RORB: variants seen among roughly 807,000 people sequenced by gnomAD.
RORB encodes nuclear receptor ROR-beta.
A neutral mutation model predicts 59.1 loss-of-function variants in RORB; 6 were observed. The ratio of observed to expected loss-of-function variants is 0.10; its 90% CI spans 0.06 to 0.20. The LOEUF (loss-of-function observed/expected upper bound fraction) is 0.20, where lower values mean the gene tolerates loss of function less well. Among genes scored for constraint, RORB ranks in the 10% least tolerant of loss-of-function variants. RORB has a pLI of 1.00. For synonymous variants in RORB, 215 were observed against 204.5 expected (o/e 1.05, Z -0.44); for missense variants, 320 against 560.5 (o/e 0.57, Z 4.33).
chr9:74,563,248 C>T (rs986210891), intron 1 of RORB, among the ~76,000 whole-genome samples: 3 of 147,936 alleles, frequency 2.0e-5, no homozygotes, highest in African/African-American at 5.0e-5. Flanking sequence ...TGCAGTAGCA[C>T]AATCTCGGCT....
chr9:74,670,071 CT>C lies in RORB; in HGVS notation c.1112-1707del, dbSNP rs879518494. ...CTAAAATCAAGCTGTTCCTCTAGGC[CT>C]TTTTTTTTTTAAACCCTAGAAAGTT... is the stretch of plus-strand genomic sequence containing the variant. On this transcript the variant is annotated intron_variant, in intron 8 of 9. Coordinates refer to ENST00000376896, the MANE Select transcript of RORB (RefSeq NM_006914.4). Among the ~76,000 whole-genome samples the C allele has an allele frequency of 6.7e-3, 980 of 145,398 alleles. 7 individuals are homozygous for C. The highest frequency in any genetic ancestry group is 0.018 in the African/African-American group (739 of 40,044).
intron 1 of RORB, among the ~76,000 whole-genome samples, chr9:74,586,886 A>G (rs1481299831): frequency 1.3e-5 from 2 of 152,150 alleles, no homozygotes; most frequent in Non-Finnish European, 2.9e-5. Context: ...TCTCCTGTCC[A>G]TGTCAATGTA....
chr9:74,654,069 T>C (rs1471350892), intron 4 of RORB, among the ~76,000 whole-genome samples: 1 of 152,234 alleles, frequency 6.6e-6, no homozygotes, highest in Non-Finnish European at 1.5e-5. Flanking sequence ...CTTAACTGTG[T>C]GGATCAATAT....
intron 1 of RORB, among the ~76,000 whole-genome samples, chr9:74,503,146 A>G (rs1193275212): frequency 6.6e-6 from 1 of 152,082 alleles, no homozygotes; most frequent in Non-Finnish European, 1.5e-5. Flanking sequence ...AAGCTGACTA[A>G]TGAAATAAGT....
At chr9:74,514,814 A>T (rs1825985760) in intron 1 of RORB, among the ~76,000 whole-genome samples, 1 of 151,568 alleles carries the variant, frequency 6.6e-6, no homozygotes, top group Admixed American at 6.6e-5. Context: ...ACTAGAATGA[A>T]GCTATAGTAT....
chr9:74,630,395 T>C, intron 2 of RORB, 28 bp downstream of exon 2: 1 of 1,566,992 alleles, frequency 6.4e-7, no homozygotes, highest in Non-Finnish European at 8.7e-7. Context: ...AGCACGGTTC[T>C]GTATTTGCCT....
In RORB at chr9:74,688,451, T is replaced by G. The variant is rs1025459892; in HGVS notation, c.*2833T>G. ...TTCCTTCCCCATGAGGACTAACAAA[T>G]GTTCACAACAATCATGATCAAGTGT... On this transcript the variant is annotated 3_prime_UTR_variant, in exon 10 of 10. Transcript: ENST00000376896. 1 of 152,142 alleles carries G rather than the reference T, an allele frequency of 6.6e-6. No individual in the cohort carries two copies. The highest frequency in any genetic ancestry group is 1.5e-5 in the Non-Finnish European group (1 of 68,022). The allele number at this position is 152,142 out of a possible 1,614,324, so 9.4% of individuals were successfully genotyped here.
At chr9:74,578,480 A>G (rs1336626248) in intron 1 of RORB, among the ~76,000 whole-genome samples, 2 of 152,114 alleles carry the variant, frequency 1.3e-5, no homozygotes, top group African/African-American at 4.8e-5. Flanking sequence ...AAAAACACCA[A>G]TGACATGCAA....
At chr9:74,599,804 G>T (rs1397291544) in intron 1 of RORB, among the ~76,000 whole-genome samples, 1 of 152,084 alleles carries the variant, frequency 6.6e-6, no homozygotes, top group East Asian at 1.9e-4. Context: ...GCCTTCTTCT[G>T]GGGTGCTAAT....
chr9:74,504,838 G>C (rs1825848396), intron 1 of RORB, among the ~76,000 whole-genome samples: 1 of 151,922 alleles, frequency 6.6e-6, no homozygotes, highest in Non-Finnish European at 1.5e-5. Flanking sequence ...TTATAGTAAA[G>C]CTTTTTTCAA....
rs1292445367 is a variant in RORB, at chr9:74,689,714, G to A, written c.*4096G>A. ...TCAGAGCAGTCAAGCTAAACTGTTT[G>A]TAGAAAACCATGAAGATCAACTCAT... On this transcript the variant is annotated 3_prime_UTR_variant, in exon 10 of 10. Coordinates refer to ENST00000376896, the MANE Select transcript of RORB (RefSeq NM_006914.4). The A allele has an allele frequency of 1.3e-5, 2 of 152,208 alleles. No homozygotes were observed. Among genetic ancestry groups the A allele is most frequent in the African/African-American group, 4.8e-5 (2 of 41,444 alleles). 9.4% of individuals were successfully genotyped at this position (152,208 alleles called of 1,614,324 possible).
chr9:74,683,775 C>T (rs867547171), intron 9 of RORB, among the ~76,000 whole-genome samples: 3 of 152,140 alleles, frequency 2.0e-5, no homozygotes, highest in Admixed American at 6.5e-5. Context: ...TCTTCTTTGG[C>T]ACTCACCACA....
At chr9:74,579,388 G>A (rs1158911312) in intron 1 of RORB, among the ~76,000 whole-genome samples, 3 of 151,832 alleles carry the variant, frequency 2.0e-5, no homozygotes, top group African/African-American at 7.3e-5. Flanking sequence ...CTATTTGTCT[G>A]TTTTAAGTTG....
chr9:74,575,682 A>G (rs1489316314), intron 1 of RORB, among the ~76,000 whole-genome samples: 1 of 152,118 alleles, frequency 6.6e-6, no homozygotes, highest in African/African-American at 2.4e-5. Context: ...AAGGCAGTTG[A>G]CACAGAAAAA....
intron 1 of RORB, among the ~76,000 whole-genome samples, chr9:74,547,777 T>C (rs1826524084): frequency 6.6e-6 from 1 of 152,176 alleles, no homozygotes; most frequent in Admixed American, 6.5e-5. Flanking sequence ...ACATAAGATG[T>C]TGTACAACAT....
At chr9:74,615,100 A>G (rs1823290919) in intron 1 of RORB, among the ~76,000 whole-genome samples, 1 of 152,232 alleles carries the variant, frequency 6.6e-6, no homozygotes. Flanking sequence ...AATATTTGAC[A>G]GAATAGGAAC....
intron 1 of RORB, among the ~76,000 whole-genome samples, chr9:74,499,327 C>T (rs1201839718): frequency 6.6e-6 from 1 of 152,156 alleles, no homozygotes; most frequent in Admixed American, 6.5e-5. Flanking sequence ...AGTCCCCCTA[C>T]GCCCCTAGAG....
At chr9:74,640,524 C>T (rs1219817588) in intron 3 of RORB, among the ~76,000 whole-genome samples, 2 of 152,084 alleles carry the variant, frequency 1.3e-5, no homozygotes, top group Non-Finnish European at 2.9e-5. Context: ...ACCTCGTGAT[C>T]TGCCCGCCTT....
intron 1 of RORB, among the ~76,000 whole-genome samples, chr9:74,500,101 G>A (rs1825786221): frequency 6.6e-6 from 1 of 152,156 alleles, no homozygotes; most frequent in Non-Finnish European, 1.5e-5. Context: ...ACCAGTTTAA[G>A]CCCACAGACC....
Sources: allele counts gnomAD v4.1 joint callset (sites outside exome capture counted in the v4.1 genomes callset), GRCh38; gene constraint gnomAD v4.1.1; transcripts MANE v1.5; gene names NCBI Gene and HGNC (gene_info 2026-07-23, HGNC 2026-07-21).